Variants in KPNA6 observed in about 807,000 individuals in gnomAD.
The protein encoded by KPNA6 is karyopherin subunit alpha 6.
In KPNA6, 9 loss-of-function variants were observed where a neutral mutation model predicts 72.0. The observed-to-expected ratio is 0.13, with a 90% confidence interval of 0.08 to 0.22. KPNA6 has a LOEUF of 0.22. KPNA6 is among the 10% of genes least tolerant of loss of function. The probability of loss-of-function intolerance (pLI) is 1.00; values close to 1 mark genes in which losing one functional copy is unlikely to be tolerated. For synonymous variants in KPNA6, 219 were observed against 242.1 expected (o/e 0.90, Z 0.89); for missense variants, 374 against 655.7 (o/e 0.57, Z 4.69).
chr1:32,116,192 T>TTC (rs1641325188), intron 1 of KPNA6, among the ~76,000 whole-genome samples: 1 of 150,004 alleles, frequency 6.7e-6, no homozygotes, highest in African/African-American at 2.4e-5. Flanking sequence ...TTCTTTTCTT[T>TTC]TTTTTTTTTT....
intron 9 of KPNA6, 144 bp from the exon 10 acceptor site, chr1:32,163,091 G>A (rs1034657692): frequency 4.7e-5 from 29 of 614,540 alleles, no homozygotes; most frequent in Admixed American, 2.0e-4. Flanking sequence ...GCGACAGAGC[G>A]AGACTCTGTC....
At chr1:32,123,553 C>A (rs1374664799) in intron 1 of KPNA6, among the ~76,000 whole-genome samples, 2 of 151,666 alleles carry the variant, frequency 1.3e-5, no homozygotes, top group African/African-American at 4.9e-5. Context: ...CCAGCCAGGA[C>A]AACATGGTGA....
rs1642424125 is a variant in KPNA6 at position 32,170,927 on chromosome 1, GCA to G, written c.*35_*36del. 6.3e-7 allele frequency: 1 copy of G among 1,595,964 alleles called. No individual in the cohort carries two copies. The highest frequency in any genetic ancestry group is 1.1e-5 in the South Asian group (1 of 90,668). ...CTCCAGGGAGGGGAGGGGATGGGAAGCACCACCAGCCAGCGGAAGAGCAGCCC... is the reference window on the plus strand; with the variant it reads ...CTCCAGGGAGGGGAGGGGATGGGAAGCCACCAGCCAGCGGAAGAGCAGCCC... On this transcript the variant is annotated 3_prime_UTR_variant, in exon 14 of 14. Transcript: ENST00000373625.
At position 32,171,547 on chromosome 1, in the gene KPNA6, C is replaced by T. The variant is rs1258346540; in HGVS notation, c.*653C>T. 6.6e-6 allele frequency: 1 copy of T among 152,190 alleles called. No individual in the cohort carries two copies. The highest frequency in any genetic ancestry group is 2.4e-5 in the African/African-American group (1 of 41,438). 9.4% of individuals were successfully genotyped at this position (152,190 alleles called of 1,614,324 possible). Reference sequence around the variant, plus strand: ...TAGTAAACCCAGCTGCCTGCATTGCCTGGGACTAGAGGCTGGGGAGGCTAC... The same window carrying T: ...TAGTAAACCCAGCTGCCTGCATTGCTTGGGACTAGAGGCTGGGGAGGCTAC... On this transcript the variant is annotated 3_prime_UTR_variant, in exon 14 of 14. Coordinates refer to ENST00000373625, the MANE Select transcript of KPNA6 (RefSeq NM_012316.5).
chr1:32,110,526 T>C (rs565661761), intron 1 of KPNA6, among the ~76,000 whole-genome samples: 13 of 152,300 alleles, frequency 8.5e-5, no homozygotes, highest in South Asian at 8.3e-4. Context: ...CAATAATGTT[T>C]TTCTTCCTTT....
chr1:32,157,228 C>G (rs2124067674), intron 3 of KPNA6, 118 bp from the exon 4 acceptor site: 1 of 717,508 alleles, frequency 1.4e-6, no homozygotes, highest in East Asian at 2.7e-5. Flanking sequence ...TCTCCTGAGC[C>G]TATTATGCCA....
intron 1 of KPNA6, among the ~76,000 whole-genome samples, chr1:32,119,779 CTGTCGCCCAGGCTAGAGTGCAG>C (rs1641398797): frequency 6.9e-6 from 1 of 144,356 alleles, no homozygotes; most frequent in Non-Finnish European, 1.5e-5. Context: ...GGGTCTTGCA[CTGTCGCCCAGGCTAGAGTGCAG>C]TGGCACGATC....
rs56284453 is a variant in KPNA6, at chr1:32,171,071, G to T, written c.*177G>T. On this transcript the variant is annotated 3_prime_UTR_variant, in exon 14 of 14. Coordinates refer to ENST00000373625, the MANE Select transcript of KPNA6 (RefSeq NM_012316.5). ...CCCTGGAGGGAGCACCCTCTGGACAGACAGAACCATCTGAGGCTCACCTTT... is the reference window on the plus strand; with the variant it reads ...CCCTGGAGGGAGCACCCTCTGGACATACAGAACCATCTGAGGCTCACCTTT... The T allele has an allele frequency of 3.3e-3, 1,975 of 602,924 alleles. 8 individuals are homozygous for T. The highest frequency in any genetic ancestry group is 4.4e-3 in the Non-Finnish European group (1,512 of 341,668). The allele number at this position is 602,924 out of a possible 1,614,324, so 37.3% of individuals were successfully genotyped here. A position where few individuals can be genotyped will look rare whatever the true frequency, so the allele number is the denominator to read the frequency against.
At chr1:32,113,817 G>A (rs1641280844) in intron 1 of KPNA6, among the ~76,000 whole-genome samples, 1 of 152,110 alleles carries the variant, frequency 6.6e-6, no homozygotes, top group South Asian at 2.1e-4. Context: ...TTGCCCACCC[G>A]TAAGAATAGC....
chr1:32,129,322 T>C (rs968191755), intron 1 of KPNA6, among the ~76,000 whole-genome samples: 2 of 151,706 alleles, frequency 1.3e-5, no homozygotes, highest in African/African-American at 4.8e-5. Flanking sequence ...CCACCATGCC[T>C]GGCTAATTTT....
chr1:32,144,769 G>C (rs904185346), intron 1 of KPNA6, among the ~76,000 whole-genome samples: 6 of 152,058 alleles, frequency 3.9e-5, no homozygotes, highest in African/African-American at 1.4e-4. Flanking sequence ...TCCTGCGTCA[G>C]CCTCCCGAGT....
intron 1 of KPNA6, among the ~76,000 whole-genome samples, chr1:32,134,526 T>C (rs1432437954): frequency 6.6e-6 from 1 of 151,068 alleles, no homozygotes; most frequent in African/African-American, 2.4e-5. Context: ...TAATCTCAGC[T>C]ACCTGGGAGG....
At chr1:32,164,452 A>G (rs1004798500) in intron 10 of KPNA6, among the ~76,000 whole-genome samples, 30 of 152,166 alleles carry the variant, frequency 2.0e-4, no homozygotes, top group Admixed American at 1.4e-3. Flanking sequence ...AGGGGACACC[A>G]TACTGTTCTG....
chr1:32,173,263 C>T lies in KPNA6; in HGVS notation c.*2369C>T. The T allele has an allele frequency of 5.1e-6, 2 of 391,274 alleles. No individual in the cohort carries two copies. The highest frequency in any genetic ancestry group is 9.0e-6 in the Non-Finnish European group (2 of 223,398). 24.2% of individuals were successfully genotyped at this position (391,274 alleles called of 1,614,324 possible). A position where few individuals can be genotyped will look rare whatever the true frequency, so the allele number is the denominator to read the frequency against. ...GCAATTTAGTAGGATCTACTTTGTA[C>T]ATCTCAAGTAAGAGTTAAGTCCCTG... On this transcript the variant is annotated 3_prime_UTR_variant, in exon 14 of 14. Transcript: ENST00000373625.
chr1:32,146,497 C>A (rs1641931591), intron 1 of KPNA6, among the ~76,000 whole-genome samples: 1 of 151,672 alleles, frequency 6.6e-6, no homozygotes, highest in Admixed American at 6.6e-5. Flanking sequence ...TGGATATTTC[C>A]TAGTGAACAC....
intron 1 of KPNA6, among the ~76,000 whole-genome samples, chr1:32,138,727 A>C (rs1641785902): frequency 1.3e-5 from 2 of 152,066 alleles, no homozygotes; most frequent in Non-Finnish European, 2.9e-5. Flanking sequence ...GCTAAGAGAA[A>C]AATTGGGAGA....
chr1:32,119,131 A>G (rs1443329651), intron 1 of KPNA6, among the ~76,000 whole-genome samples: 2 of 148,602 alleles, frequency 1.3e-5, no homozygotes, highest in African/African-American at 5.0e-5. Context: ...CCTGGGTTCA[A>G]GCGATTCTCC....
rs60616241 is a variant in KPNA6 at position 32,173,173 on chromosome 1, TAAAAA to T, written c.*2296_*2300del. The stretch of plus-strand genomic sequence containing the variant: ...ATTAAAAAACCATTCTCTTACAGTT[TAAAAA>T]AAAAAAAAAAAAAAAAGCCTTCCCC... On this transcript the variant is annotated 3_prime_UTR_variant, in exon 14 of 14. Transcript: ENST00000373625. 3.0e-4 allele frequency: 97 copies of T among 319,726 alleles called. No homozygotes were observed. The highest frequency in any genetic ancestry group is 3.2e-4 in the Non-Finnish European group (62 of 191,312). The allele number at this position is 319,726 out of a possible 1,614,324, so 19.8% of individuals were successfully genotyped here.
intron 1 of KPNA6, among the ~76,000 whole-genome samples, chr1:32,127,856 A>G (rs1641561493): frequency 6.6e-6 from 1 of 152,156 alleles, no homozygotes; most frequent in African/African-American, 2.4e-5. Flanking sequence ...TACATTCATT[A>G]TCTTTTGTAT....
Sources: gnomAD v4.1 joint callset for allele counts (sites outside exome capture counted in the v4.1 genomes callset) on GRCh38, gnomAD v4.1.1 for gene constraint, MANE v1.5 for transcripts, NCBI Gene and HGNC (gene_info 2026-07-23, HGNC 2026-07-21) for gene names.